PGK1: variants seen among roughly 807,000 people sequenced by gnomAD.
The protein encoded by PGK1 is PRP 2.
A neutral mutation model predicts 26.9 loss-of-function variants in PGK1; 3 were observed. That is an observed-to-expected ratio of 0.11 (90% CI 0.05 to 0.29). The LOEUF is 0.29. Among genes scored for constraint, PGK1 ranks in the 10% least tolerant of loss-of-function variants. PGK1 has a pLI of 1.00. For missense variants in PGK1, 270 were observed against 314.7 expected (o/e 0.86, Z 1.07); for synonymous variants, 125 against 115.3 (o/e 1.08, Z -0.54).
chrX:78,109,526 G>A (rs947997608), intron 1 of PGK1, among the ~76,000 whole-genome samples: 1 of 110,182 alleles, frequency 9.1e-6, no homozygotes, highest in South Asian at 3.9e-4. Context: ...TGTGATTTAA[G>A]TTAGGTTTTT....
chrX:78,111,594 G>A (rs1470309147), intron 2 of PGK1, among the ~76,000 whole-genome samples: 6 of 112,126 alleles, frequency 5.4e-5, no homozygotes, highest in African/African-American at 1.9e-4. Flanking sequence ...GTACTCAACA[G>A]ACACACATGA....
At chrX:78,108,169 G>A (rs2078281335) in intron 1 of PGK1, among the ~76,000 whole-genome samples, 1 of 111,433 alleles carries the variant, frequency 9.0e-6, no homozygotes, top group Non-Finnish European at 1.9e-5. Flanking sequence ...TGACACCATG[G>A]CAGCTTGGAT....
At chrX:78,124,511 T>A (rs2149136811) in intron 8 of PGK1, among the ~76,000 whole-genome samples, 1 of 111,066 alleles carries the variant, frequency 9.0e-6, no homozygotes, top group Non-Finnish European at 1.9e-5. Flanking sequence ...CCTTGGCCAC[T>A]AGATGCCAGT....
intron 1 of PGK1, among the ~76,000 whole-genome samples, chrX:78,105,120 C>G (rs1557246059): frequency 8.9e-6 from 1 of 112,214 alleles, no homozygotes; most frequent in African/African-American, 3.2e-5. Context: ...CAATCTCATC[C>G]CCACGTGTGG....
In PGK1 at chrX:78,127,104, C is replaced by G. The variant is rs2078387014; in HGVS notation, c.*1274C>G. Reference sequence around the variant, plus strand: ...ACCTCCTGTGTTAGACTCCTGTTTTCTGGATTCCCCCTTTTCCCTCTTTCT... The same window carrying G: ...ACCTCCTGTGTTAGACTCCTGTTTTGTGGATTCCCCCTTTTCCCTCTTTCT... On this transcript the variant is annotated 3_prime_UTR_variant, in exon 11 of 11. Transcript: ENST00000373316. 1 of 112,483 alleles carries G rather than the reference C, an allele frequency of 8.9e-6. No individual in the cohort carries two copies. Among genetic ancestry groups the G allele is most frequent in the Non-Finnish European group, 1.9e-5 (1 of 53,293 alleles). The allele number at this position is 112,483 out of a possible 1,213,427, so 9.3% of individuals were successfully genotyped here.
chrX:78,109,377 A>G (rs1240544869), intron 1 of PGK1, among the ~76,000 whole-genome samples: 1 of 110,906 alleles, frequency 9.0e-6, no homozygotes, highest in African/African-American at 3.3e-5. Context: ...AAATAGTATC[A>G]AGGGAATTAG....
In PGK1 at chrX:78,124,955, G is replaced by T; in HGVS notation, c.1018G>T (p.Val340Leu). ...RAKQIVWNGP[V>L]GVFEWEAFAR... ...TAAGCAGATTGTGTGGAATGGTCCT[G>T]TGGGGGTATTTGAATGGGAAGCTTT... Residue 340 changes from valine (V) to leucine (L), a missense_variant, in exon 9 of 11, where the codon GTG (valine) becomes TTG (leucine). Val to Leu is a conservative substitution (Grantham distance 32, BLOSUM62 1). This residue lies in a region of PGK1 where 103 missense variants were observed against 114.6 expected (regional missense o/e 0.90). Transcript: ENST00000373316. 8.3e-7 allele frequency: 1 copy of T among 1,209,068 alleles called. No homozygotes were observed. The highest frequency in any genetic ancestry group is 1.1e-6 in the Non-Finnish European group (1 of 893,354).
intron 6 of PGK1, among the ~76,000 whole-genome samples, chrX:78,121,753 C>T: frequency 8.9e-6 from 1 of 112,272 alleles, no homozygotes; most frequent in Middle Eastern, 4.6e-3. Flanking sequence ...TATCTTATTT[C>T]CATGTACTAG....
At chrX:78,106,124 T>G (rs782794929) in intron 1 of PGK1, among the ~76,000 whole-genome samples, 69 of 111,660 alleles carry the variant, frequency 6.2e-4, no homozygotes, top group Non-Finnish European at 1.1e-3. Context: ...TTGGAGGAGC[T>G]GCTTAACTTT....
In PGK1 at chrX:78,112,863, C is replaced by A. The variant is rs782094548; in HGVS notation, c.117-881C>A. 2.0e-3 allele frequency among the ~76,000 whole-genome samples: 230 copies of A among 112,240 alleles called. 3 individuals are homozygous for A. Among genetic ancestry groups the A allele is most frequent in the African/African-American group, 7.2e-3 (223 of 30,902 alleles). ...TCCAGTTTCCTGTGAGGGGACACAT[C>A]AAGTGTTTTCCTTTCTTCAGCAGTG... On this transcript the variant is annotated intron_variant, in intron 2 of 10. Coordinates refer to ENST00000373316, the MANE Select transcript of PGK1 (RefSeq NM_000291.4).
In PGK1 at chrX:78,125,066, A is replaced by C. The variant is rs782030143; in HGVS notation, c.1114+15A>C. ...CACCATCATAGGTAAGCGGTCCTATACAAAGCTAATACCCATATAAGCTGG... is the reference window on the plus strand; with the variant it reads ...CACCATCATAGGTAAGCGGTCCTATCCAAAGCTAATACCCATATAAGCTGG... On this transcript the variant is annotated intron_variant, in intron 9 of 10. Coordinates refer to ENST00000373316, the MANE Select transcript of PGK1 (RefSeq NM_000291.4). 4.7e-5 allele frequency: 56 copies of C among 1,188,900 alleles called. No individual in the cohort carries two copies. Among genetic ancestry groups the C allele is most frequent in the Non-Finnish European group, 6.2e-5 (54 of 874,569 alleles).
rs782522851 is a variant in PGK1 at position 78,123,281 on chromosome X, C to T, written c.843C>T (p.Thr281=). The T allele has an allele frequency of 1.0e-5, 12 of 1,202,573 alleles. No individual in the cohort carries two copies. In the Admixed American group the frequency reaches 1.7e-4, roughly 18 times the overall value. Residue 281 remains threonine, a synonymous_variant, in exon 8 of 11, where the codon ACC becomes ACT. Transcript: ENST00000373316. ...SKAEKNGVKI[T]LPVDFVTADK... is the part of the protein sequence containing the mutation. ...CTGAGAAGAATGGTGTGAAGATTAC[C>T]TTGCCTGTTGACTTTGTCACTGCTG...
intron 6 of PGK1, among the ~76,000 whole-genome samples, chrX:78,118,601 TAAA>T (rs1337312997): frequency 9.2e-6 from 1 of 109,007 alleles, no homozygotes; most frequent in Non-Finnish European, 1.9e-5. Flanking sequence ...AATAAATAAA[TAAA>T]CAAACAAACG....
chrX:78,119,008 C>G (rs1411057709), intron 6 of PGK1, among the ~76,000 whole-genome samples: 1 of 111,697 alleles, frequency 9.0e-6, no homozygotes, highest in Non-Finnish European at 1.9e-5. Context: ...GAAGATGGCT[C>G]TGCAGGGAAG....
intron 4 of PGK1, among the ~76,000 whole-genome samples, chrX:78,116,537 G>C (rs1336532697): frequency 8.9e-6 from 1 of 111,946 alleles, no homozygotes; most frequent in African/African-American, 3.2e-5. Flanking sequence ...GTACTCTTCT[G>C]TGTCCTGTCC....
At chrX:78,109,434 C>T (rs924044443) in intron 1 of PGK1, among the ~76,000 whole-genome samples, 1 of 111,265 alleles carries the variant, frequency 9.0e-6, no homozygotes, top group African/African-American at 3.3e-5. Flanking sequence ...AGCTGCTACC[C>T]GGATACTATT....
rs2078381123 is a variant in PGK1, at chrX:78,125,887, G to A, written c.*57G>A. 1.6e-5 allele frequency: 15 copies of A among 954,137 alleles called. No homozygotes were observed. Among genetic ancestry groups the A allele is most frequent in the Non-Finnish European group, 2.1e-5 (14 of 662,175 alleles). The allele number at this position is 954,137 out of a possible 1,213,427, so 78.6% of individuals were successfully genotyped here. On this transcript the variant is annotated 3_prime_UTR_variant, in exon 11 of 11. Coordinates refer to ENST00000373316, the MANE Select transcript of PGK1 (RefSeq NM_000291.4). ...CCCCTAAGTCAACTTAGCATTTTCT[G>A]CATCTCCACTTGGCATTAGCTAAAA... is the stretch of plus-strand genomic sequence containing the variant.
intron 6 of PGK1, among the ~76,000 whole-genome samples, chrX:78,121,513 C>T (rs1054317307): frequency 8.9e-6 from 1 of 112,098 alleles, no homozygotes; most frequent in Admixed American, 9.5e-5. Context: ...TCTGTTCACC[C>T]ACATCACTGT....
chrX:78,106,740 C>A (rs782773944), intron 1 of PGK1: 2 of 389,527 alleles, frequency 5.1e-6, no homozygotes, highest in Non-Finnish European at 6.5e-6. Context: ...TTTAGGACTC[C>A]GCAGTTGACT....
Sources: gnomAD v4.1 joint callset for allele counts (sites outside exome capture counted in the v4.1 genomes callset) on GRCh38, gnomAD v4.1.1 for gene constraint, gnomAD v4.1.1 regional missense constraint, MANE v1.5 for transcripts, NCBI Gene and HGNC (gene_info 2026-07-23, HGNC 2026-07-21) for gene names.